Variants in SCAF11 observed in about 807,000 individuals in gnomAD.
The protein encoded by SCAF11 is protein SCAF11.
SCAF11 carries 47 observed loss-of-function variants against 140.5 expected under a neutral mutation model. The ratio of observed to expected loss-of-function variants is 0.33; its 90% confidence interval spans 0.26 to 0.43. The LOEUF (loss-of-function observed/expected upper bound fraction) is 0.43, where lower values mean the gene tolerates loss of function less well. Ranked by LOEUF, SCAF11 falls within the 20% of genes least tolerant of loss-of-function variation. The pLI is 1.00. For missense variants in SCAF11, 1,645 were observed against 1,705.1 expected (o/e 0.96, Z 0.62); for synonymous variants, 557 against 579.4 (o/e 0.96, Z 0.55).
Position 45,927,129 on chromosome 12 carries a change from C to G in SCAF11, c.2572G>C (p.Glu858Gln), listed in dbSNP as rs767612421. The part of the protein sequence containing the change: ...SQSPKKDIAR[E>Q]RRQSQSRSPK... ...GACCGAGACTGAGATTGCCTCCTTT[C>G]TCTTGCAATATCCTTTTTTGGGGAC... is the stretch of plus-strand genomic sequence containing the variant. Residue 858 changes from glutamate (E) to glutamine (Q), a missense_variant, in exon 11 of 15, where the codon GAA (glutamate) becomes CAA (glutamine). By Grantham distance (29) the Glu-to-Gln change is conservative. Coordinates refer to ENST00000369367, the MANE Select transcript of SCAF11 (RefSeq NM_004719.3). 6.2e-7 allele frequency: 1 copy of G among 1,614,126 alleles called. No individual in the cohort carries two copies. The highest frequency in any genetic ancestry group is 8.5e-7 in the Non-Finnish European group (1 of 1,180,014).
chr12:45,981,225 A>G (rs1946342250), intron 1 of SCAF11, among the ~76,000 whole-genome samples: 1 of 152,208 alleles, frequency 6.6e-6, no homozygotes. Flanking sequence ...TGACTAACAC[A>G]GGATATGATT....
At position 45,934,436 on chromosome 12, in the gene SCAF11, T is replaced by C; in HGVS notation, c.522+11A>G. Reference sequence around the variant, plus strand: ...CATCTAAGAAAAAGATTTTTCTTGGTTTCAACAAACCTTATTTATCTTTAT... The same window carrying C: ...CATCTAAGAAAAAGATTTTTCTTGGCTTCAACAAACCTTATTTATCTTTAT... On this transcript the variant is annotated intron_variant, in intron 7 of 14. Transcript: ENST00000369367. 2 of 1,583,578 alleles carry C rather than the reference T, an allele frequency of 1.3e-6. No individual in the cohort carries two copies. The highest frequency in any genetic ancestry group is 1.4e-5 in the African/African-American group (1 of 73,338).
chr12:45,931,515 C>A lies in SCAF11; in HGVS notation c.832G>T (p.Glu278Ter). Residue 278 changes from glutamate to a stop codon, truncating the protein, a stop_gained, in exon 10 of 15, where the codon GAA becomes TAA. Coordinates refer to ENST00000369367, the MANE Select transcript of SCAF11 (RefSeq NM_004719.3). LOFTEE classifies it high-confidence loss of function. ...TIFPTSTISF[E>*]HFGTSCKGYA... Reference sequence around the variant, plus strand: ...ATTTCACAAACTTTACCAAAATGTTCGAAAGATATGGTACTTGTTGGAAAA... The same window carrying A: ...ATTTCACAAACTTTACCAAAATGTTAGAAAGATATGGTACTTGTTGGAAAA... 2.1e-6 allele frequency: 3 copies of A among 1,416,628 alleles called. No individual in the cohort carries two copies. The highest frequency in any genetic ancestry group is 1.8e-5 in the South Asian group (1 of 56,688). The allele number at this position is 1,416,628 out of a possible 1,614,324, so 87.8% of individuals were successfully genotyped here.
At chr12:45,923,480 AAT>A (rs1845281334) in intron 12 of SCAF11, among the ~76,000 whole-genome samples, 1 of 152,144 alleles carries the variant, frequency 6.6e-6, no homozygotes, top group South Asian at 2.1e-4. Flanking sequence ...AATATTAACA[AAT>A]ATTAAAGTGC....
In SCAF11 at chr12:45,928,655, G is replaced by A; in HGVS notation, c.1046C>T (p.Pro349Leu). Reference protein sequence around the residue: ...PISDNSGCDAPGNSNPSLSVP... With the variant: ...PISDNSGCDALGNSNPSLSVP... ...ACTTAAAGATGGATTACTGTTACCT[G>A]GGGCATCACACCCAGAATTGTCTGA... The change falls in exon 11 of 15, where the codon CCA becomes CTA. Residue 349 changes from proline (P) to leucine (L), a missense_variant. Pro to Leu is a moderately conservative substitution (Grantham distance 98). This residue lies in a region of SCAF11 where 1,582 missense variants were observed against 1,609.2 expected (regional missense o/e 0.98). Coordinates refer to ENST00000369367, the MANE Select transcript of SCAF11 (RefSeq NM_004719.3). 1 of 1,614,056 alleles carries A rather than the reference G, an allele frequency of 6.2e-7. No homozygotes were observed. Among genetic ancestry groups the A allele is most frequent in the Non-Finnish European group, 8.5e-7 (1 of 1,179,996 alleles).
chr12:45,928,400 G>A lies in SCAF11; in HGVS notation c.1301C>T (p.Thr434Ile), dbSNP rs772933491. 5 of 1,613,730 alleles carry A rather than the reference G, an allele frequency of 3.1e-6. No homozygotes were observed. The East Asian group carries it at 8.9e-5, about 29-fold the overall frequency. Residue 434 changes from threonine (T) to isoleucine (I), a missense_variant, in exon 11 of 15, where the codon ACT (threonine) becomes ATT (isoleucine). By Grantham distance (89) the Thr-to-Ile change is moderately conservative. This residue lies in a region of SCAF11 where 1,582 missense variants were observed against 1,609.2 expected (regional missense o/e 0.98). Transcript: ENST00000369367. The stretch of plus-strand genomic sequence containing the variant: ...CTGGTTTTCTACATGAGTCTGCACA[G>A]TACAAATGTTACTACTGTCTACATC... Reference protein sequence around the residue: ...QPDVDSSNICTVQTHVENQSA... With the variant: ...QPDVDSSNICIVQTHVENQSA...
At chr12:45,948,785 C>G (rs1449062254) in intron 4 of SCAF11, among the ~76,000 whole-genome samples, 7 of 152,082 alleles carry the variant, frequency 4.6e-5, no homozygotes. Context: ...GATATGAACA[C>G]AGATTTGTAT....
chr12:45,984,296 T>C (rs1946413878), intron 1 of SCAF11, among the ~76,000 whole-genome samples: 1 of 152,248 alleles, frequency 6.6e-6, no homozygotes, highest in South Asian at 2.1e-4. Flanking sequence ...GTTTGCCTGA[T>C]ACTTCCTTTT....
At chr12:45,987,162 C>A (rs1044664833) in intron 1 of SCAF11, among the ~76,000 whole-genome samples, 1 of 152,178 alleles carries the variant, frequency 6.6e-6, no homozygotes, top group African/African-American at 2.4e-5. Flanking sequence ...GAATTTGAGA[C>A]CAGCCTGGGC....
intron 6 of SCAF11, among the ~76,000 whole-genome samples, chr12:45,943,087 T>A (rs1055391263): frequency 6.6e-6 from 1 of 152,212 alleles, no homozygotes; most frequent in African/African-American, 2.4e-5. Flanking sequence ...AAATATAAGC[T>A]GCTTCATCCA....
At chr12:45,955,945 C>G (rs1484156251) in intron 3 of SCAF11, 2 of 597,026 alleles carry the variant, frequency 3.3e-6, no homozygotes, top group African/African-American at 1.9e-5. Context: ...TGTGAATGCT[C>G]TGTACTAAGG....
chr12:45,983,783 A>AACTAATTTTTACCTTACTGT (rs1555172662), intron 1 of SCAF11, among the ~76,000 whole-genome samples: 10 of 151,670 alleles, frequency 6.6e-5, no homozygotes, highest in African/African-American at 2.4e-4. Flanking sequence ...ACACACACAC[A>AACTAATTTTTACCTTACTGT]CAAAGACTGA....
Position 45,948,443 on chromosome 12 carries a change from C to T in SCAF11, c.392G>A (p.Cys131Tyr), listed in dbSNP as rs1443944740. 3.7e-6 allele frequency: 6 copies of T among 1,602,152 alleles called. No individual in the cohort carries two copies. Among genetic ancestry groups the T allele is most frequent in the East Asian group, 4.5e-5 (2 of 44,700 alleles). Residue 131 changes from cysteine (C) to tyrosine (Y), a missense_variant, in exon 5 of 15, where the codon TGT becomes TAT. Transcript: ENST00000369367. ...TCTAAAGTTAATCACTAACCTTATA[C>T]AGCTTTTAGAATTTTCATGACAGGA... ...QVSCHENSKSCIRRKAIVRED... is the reference protein window; with the variant it reads ...QVSCHENSKSYIRRKAIVRED...
chr12:45,987,488 T>A lies in SCAF11; in HGVS notation c.-22+2865A>T, dbSNP rs1946483568. On this transcript the variant is annotated intron_variant, in intron 1 of 14. Coordinates refer to ENST00000369367, the MANE Select transcript of SCAF11 (RefSeq NM_004719.3). ...AAATGCTGATCTCACAGAAGATAAA[T>A]CACAGTGAAGAAAATAAACAATAAA... is the stretch of plus-strand genomic sequence containing the variant. Among the ~76,000 whole-genome samples the A allele has an allele frequency of 2.0e-5, 3 of 152,082 alleles. No individual in the cohort carries two copies. In the South Asian group the frequency reaches 6.2e-4, roughly 32 times the overall value.
chr12:45,930,007 AT>A (rs771080963), intron 10 of SCAF11: 7 of 152,242 alleles, frequency 4.6e-5, no homozygotes, highest in Non-Finnish European at 5.9e-5. Context: ...TATATTTTTT[AT>A]GTTATGTGTT....
chr12:45,947,779 A>G (rs1171435415), intron 5 of SCAF11, among the ~76,000 whole-genome samples: 3 of 152,076 alleles, frequency 2.0e-5, no homozygotes, highest in Non-Finnish European at 2.9e-5. Flanking sequence ...TGGGTTCAAG[A>G]TATCTCCCTG....
chr12:45,943,148 T>C (rs557658539), intron 6 of SCAF11, among the ~76,000 whole-genome samples: 3 of 152,328 alleles, frequency 2.0e-5, no homozygotes, highest in Non-Finnish European at 2.9e-5. Context: ...GTTAGACTTA[T>C]CAAATTTCCC....
At chr12:45,938,019 G>A (rs1441532351) in intron 6 of SCAF11, among the ~76,000 whole-genome samples, 1 of 152,164 alleles carries the variant, frequency 6.6e-6, no homozygotes, top group African/African-American at 2.4e-5. Context: ...GATGGTATGT[G>A]TACTGTCTTG....
At chr12:45,946,316 A>AC (rs1945422376) in intron 5 of SCAF11, among the ~76,000 whole-genome samples, 1 of 152,214 alleles carries the variant, frequency 6.6e-6, no homozygotes, top group Non-Finnish European at 1.5e-5. Flanking sequence ...GTGTTGGAAG[A>AC]CCAAGTATCC....
Sources: allele counts gnomAD v4.1 joint callset (sites outside exome capture counted in the v4.1 genomes callset), GRCh38; gene constraint gnomAD v4.1.1; regional missense constraint gnomAD v4.1.1; transcripts MANE v1.5; gene names NCBI Gene and HGNC (gene_info 2026-07-23, HGNC 2026-07-21).